The following GRK4 variants were observed in gnomAD, a reference collection of about 807,000 sequenced individuals.
GRK4 encodes G protein-coupled receptor kinase 4.
In GRK4, 73 loss-of-function variants were observed where a neutral mutation model predicts 77.9. The ratio of observed to expected loss-of-function variants is 0.94; its 90% CI spans 0.78 to 1.14. GRK4 has a LOEUF of 1.14. Among genes scored for constraint, GRK4 ranks in the 50% most tolerant of loss-of-function variants. The pLI, the probability that GRK4 is intolerant of heterozygous loss-of-function variation, is 0.00. For synonymous variants in GRK4, 257 were observed against 254.4 expected (o/e 1.01, Z -0.10); for missense variants, 729 against 700.2 (o/e 1.04, Z -0.46).
At chr4:2,964,894 G>A (rs775157695) in intron 1 of GRK4, among the ~76,000 whole-genome samples, 1 of 151,690 alleles carries the variant, frequency 6.6e-6, no homozygotes, top group Non-Finnish European at 1.5e-5. Context: ...TTGAGAAGTC[G>A]AATCCAAAGG....
chr4:2,989,607 T>C lies in GRK4; in HGVS notation c.261+768T>C, dbSNP rs145530229. On this transcript the variant is annotated intron_variant, in intron 3 of 15. Coordinates refer to ENST00000398052, the MANE Select transcript of GRK4 (RefSeq NM_182982.3). The stretch of plus-strand genomic sequence containing the variant: ...TAAGCCACTGTGCCCGGCTCTAAGA[T>C]GATAGTGCTTGTTCGGCTACCAGAA... Among the ~76,000 whole-genome samples the C allele has an allele frequency of 1.1e-3, 167 of 152,274 alleles. 1 individual carries two copies. Among genetic ancestry groups the C allele is most frequent in the Admixed American group, 3.5e-3 (54 of 15,298 alleles).
intron 13 of GRK4, among the ~76,000 whole-genome samples, chr4:3,037,061 GTGTGTGTGTA>G (rs1740874013): frequency 8.9e-6 from 1 of 112,672 alleles, no homozygotes; most frequent in Non-Finnish European, 1.8e-5. Context: ...GTGTGTGTGT[GTGTGTGTGTA>G]TGTGTGTGTG....
Position 2,976,013 on chromosome 4 carries a change from G to A in GRK4, c.53-8500G>A, listed in dbSNP as rs552642210. The stretch of plus-strand genomic sequence containing the variant: ...AGGCCGGTTTTAGCCAGCATGATAA[G>A]GAGGTCCCCTCTGCTTCAACCTTTG... On this transcript the variant is annotated intron_variant, in intron 1 of 15. Transcript: ENST00000398052. Among the ~76,000 whole-genome samples, 98 of 152,284 alleles carry A rather than the reference G, an allele frequency of 6.4e-4. 2 individuals are homozygous for A. The highest frequency in any genetic ancestry group is 3.4e-3 in the Middle Eastern group (1 of 294).
chr4:3,030,575 C>A (rs866362979), intron 12 of GRK4, among the ~76,000 whole-genome samples: 1 of 152,100 alleles, frequency 6.6e-6, no homozygotes, highest in Non-Finnish European at 1.5e-5. Flanking sequence ...AATGCATAGA[C>A]GTGTGGGCTG....
chr4:2,967,688 T>G (rs981835027), intron 1 of GRK4, among the ~76,000 whole-genome samples: 9 of 152,150 alleles, frequency 5.9e-5, no homozygotes, highest in Non-Finnish European at 1.0e-4. Context: ...CGTGAGCCAC[T>G]GCACCCGGCC....
At chr4:3,030,778 A>G (rs1230366142) in intron 12 of GRK4, among the ~76,000 whole-genome samples, 1 of 152,206 alleles carries the variant, frequency 6.6e-6, no homozygotes, top group Non-Finnish European at 1.5e-5. Context: ...AGCCCAGGCC[A>G]TGCTGAACCA....
At chr4:3,036,228 C>T (rs998276839) in intron 13 of GRK4, among the ~76,000 whole-genome samples, 1 of 152,246 alleles carries the variant, frequency 6.6e-6, no homozygotes, top group African/African-American at 2.4e-5. Flanking sequence ...CCCCACTCTG[C>T]TTCTCATGAG....
intron 1 of GRK4, among the ~76,000 whole-genome samples, chr4:2,964,505 A>G (rs924305682): frequency 6.6e-6 from 1 of 152,116 alleles, no homozygotes; most frequent in Non-Finnish European, 1.5e-5. Flanking sequence ...CGGCGTCTTT[A>G]TGGTCTTAAG....
chr4:2,991,008 T>A (rs1312573541), intron 3 of GRK4, among the ~76,000 whole-genome samples: 2 of 152,208 alleles, frequency 1.3e-5, no homozygotes, highest in Admixed American at 1.3e-4. Flanking sequence ...TTGCCCTATT[T>A]CTTGCTCATT....
chr4:3,039,983 C>T (rs865774464), intron 15 of GRK4, among the ~76,000 whole-genome samples: 1 of 152,142 alleles, frequency 6.6e-6, no homozygotes, highest in African/African-American at 2.4e-5. Flanking sequence ...GCCCATTCTC[C>T]CCACACTGCT....
Position 2,964,077 on chromosome 4 carries a change from C to A in GRK4, c.7C>A (p.Leu3Ile), listed in dbSNP as rs374639395. ...GCGGCGGCGGCGCCAGGACATGGAG[C>A]TCGAGAACATCGTGGCCAACTCGCT... ME[L>I]ENIVANSLLL... Residue 3 changes from leucine to isoleucine, a missense_variant, in exon 1 of 16, where the codon CTC becomes ATC. Coordinates refer to ENST00000398052, the MANE Select transcript of GRK4 (RefSeq NM_182982.3). The A allele has an allele frequency of 2.4e-5, 38 of 1,609,466 alleles. No individual in the cohort carries two copies. The East Asian group carries it at 4.2e-4, about 18-fold the overall frequency.
chr4:3,004,958 G>A (rs566903281), intron 5 of GRK4, among the ~76,000 whole-genome samples: 66 of 152,114 alleles, frequency 4.3e-4, no homozygotes, highest in African/African-American at 1.5e-3. Context: ...TACACACGAG[G>A]CACACTGAAG....
intron 8 of GRK4, among the ~76,000 whole-genome samples, chr4:3,014,683 G>A: frequency 6.6e-6 from 1 of 152,072 alleles, no homozygotes; most frequent in East Asian, 1.9e-4. Flanking sequence ...TGTAGTCCCA[G>A]CTACTTGGGA....
Position 2,963,975 on chromosome 4 carries a change from GGCGAGCTA to G in GRK4, c.-95_-88del, listed in dbSNP as rs906450413. The G allele has an allele frequency of 2.7e-6, 3 of 1,124,542 alleles. No individual in the cohort carries two copies. Among genetic ancestry groups the G allele is most frequent in the Non-Finnish European group, 4.0e-6 (3 of 758,782 alleles). 69.7% of individuals were successfully genotyped at this position (1,124,542 alleles called of 1,614,324 possible). ...GGAGCTCGAGGAGAGGGTGGTGCCCGGCGAGCTATGCACGGGGGCGGCGGCGTCTCCTC... is the reference window on the plus strand; with the variant it reads ...GGAGCTCGAGGAGAGGGTGGTGCCCGTGCACGGGGGCGGCGGCGTCTCCTC... On this transcript the variant is annotated 5_prime_UTR_variant, in exon 1 of 16. An upstream start codon of the reference 5' UTR is lost. Transcript: ENST00000398052.
chr4:2,999,672 A>G (rs1728962947), intron 4 of GRK4, among the ~76,000 whole-genome samples: 1 of 152,218 alleles, frequency 6.6e-6, no homozygotes, highest in Non-Finnish European at 1.5e-5. Context: ...CTAAAACTAT[A>G]CAACTCTTAG....
intron 8 of GRK4, 114 bp from the exon 9 acceptor site, chr4:3,019,527 A>C: frequency 1.1e-6 from 1 of 899,390 alleles, no homozygotes; most frequent in Admixed American, 2.4e-5. Flanking sequence ...TATAGTATTC[A>C]CATGTTCTGA....
chr4:2,969,905 G>A (rs1290285823), intron 1 of GRK4, among the ~76,000 whole-genome samples: 1 of 151,996 alleles, frequency 6.6e-6, no homozygotes, highest in East Asian at 1.9e-4. Context: ...TGGAACCCCT[G>A]GACTCAAGTG....
chr4:2,964,704 AT>A (rs780187011), intron 1 of GRK4, among the ~76,000 whole-genome samples: 6 of 152,352 alleles, frequency 3.9e-5, no homozygotes, highest in Middle Eastern at 3.4e-3. Context: ...GCCTTTTATC[AT>A]TATTAAAGTG....
chr4:2,975,508 A>G (rs1365984727), intron 1 of GRK4, among the ~76,000 whole-genome samples: 2 of 152,152 alleles, frequency 1.3e-5, no homozygotes, highest in African/African-American at 4.8e-5. Flanking sequence ...CTGGCCCGTC[A>G]GCAAAAGGGC....
Sources: gnomAD v4.1 joint callset for allele counts (sites outside exome capture counted in the v4.1 genomes callset) on GRCh38, gnomAD v4.1.1 for gene constraint, MANE v1.5 for transcripts, NCBI Gene and HGNC (gene_info 2026-07-23, HGNC 2026-07-21) for gene names.